Variants in CEP350 observed in about 807,000 individuals in gnomAD.
The protein encoded by CEP350 is centrosomal protein 350, also known as centrosome-associated protein 350.
In CEP350, 126 loss-of-function variants were observed where a neutral mutation model predicts 331.8. The observed-to-expected ratio is 0.38, with a 90% CI of 0.33 to 0.44. The LOEUF is 0.44. Ranked by LOEUF, CEP350 falls within the 20% of genes least tolerant of loss-of-function variation. The probability of loss-of-function intolerance (pLI) is 1.00; values close to 1 mark genes in which losing one functional copy is unlikely to be tolerated. For missense variants in CEP350, 3,406 were observed against 3,634.6 expected, an observed-to-expected ratio of 0.94 and a Z score of 1.62; for synonymous variants, 1,200 against 1,259.5, an observed-to-expected ratio of 0.95 and a Z score of 1.00.
At chr1:180,108,341 A>T (rs559550921) in intron 37 of CEP350, among the ~76,000 whole-genome samples, 2 of 152,304 alleles carry the variant, frequency 1.3e-5, no homozygotes, top group East Asian at 3.9e-4. Context: ...TTAATATTAC[A>T]GGCCAAGAGA....
rs545289556 is a variant in CEP350 at position 180,099,007 on chromosome 1, G to A, written c.9189+22G>A. 3.8e-6 allele frequency: 6 copies of A among 1,595,882 alleles called. No individual in the cohort carries two copies. In the East Asian group the frequency reaches 1.3e-4, roughly 36 times the overall value. Reference sequence around the variant, plus strand: ...CCTGGTCAGTGTATACAACCAAACTGTTTTTATTTTGACCATATCTTTTAA... The same window carrying A: ...CCTGGTCAGTGTATACAACCAAACTATTTTTATTTTGACCATATCTTTTAA... On this transcript the variant is annotated intron_variant, in intron 37 of 37. Transcript: ENST00000367607.
chr1:180,090,880 C>A (rs918584827), intron 33 of CEP350, 84 bp downstream of exon 33: 2 of 1,154,728 alleles, frequency 1.7e-6, no homozygotes, highest in Non-Finnish European at 2.3e-6. Flanking sequence ...ACCTCTATAG[C>A]TTTTTTATTA....
intron 12 of CEP350, among the ~76,000 whole-genome samples, chr1:180,021,428 C>T (rs545696161): frequency 3.4e-4 from 51 of 152,144 alleles, no homozygotes; most frequent in African/African-American, 1.2e-3. Flanking sequence ...CCAAGGCGGG[C>T]GGATCACTTG....
chr1:179,979,537 C>T (rs1385353438), intron 1 of CEP350, among the ~76,000 whole-genome samples: 1 of 151,736 alleles, frequency 6.6e-6, no homozygotes, highest in Non-Finnish European at 1.5e-5. Context: ...TGTGCAGAAG[C>T]TTTTTAGGTT....
Position 180,020,771 on chromosome 1 carries a change from C to T in CEP350, c.2997C>T (p.Asp999=). The change falls in exon 12 of 38, where the codon GAC becomes GAT. Residue 999 remains aspartate, a synonymous_variant. Coordinates refer to ENST00000367607, the MANE Select transcript of CEP350 (RefSeq NM_014810.5). ...SEGSLSEEEG[D]QDGQPLLKVA... Reference sequence around the variant, plus strand: ...GGAGTCTCTCTGAAGAAGAGGGAGACCAGGATGGACAGCCCCTTTTGAAAG... The same window carrying T: ...GGAGTCTCTCTGAAGAAGAGGGAGATCAGGATGGACAGCCCCTTTTGAAAG... 1 of 1,613,906 alleles carries T rather than the reference C, an allele frequency of 6.2e-7. No individual in the cohort carries two copies. The highest frequency in any genetic ancestry group is 2.2e-5 in the East Asian group (1 of 44,874).
Position 180,093,798 on chromosome 1 carries a change from C to A in CEP350, c.7693C>A (p.His2565Asn). The A allele has an allele frequency of 6.2e-7, 1 of 1,613,846 alleles. No individual in the cohort carries two copies. Among genetic ancestry groups the A allele is most frequent in the South Asian group, 1.1e-5 (1 of 91,064 alleles). ...TTTTGCTCCTCCTCAAAAAATATCTCACATTCCAGAAAACTTTGATGACTA... is the reference window on the plus strand; with the variant it reads ...TTTTGCTCCTCCTCAAAAAATATCTAACATTCCAGAAAACTTTGATGACTA... ...GIFAPPQKIS[H>N]IPENFDDYVD... Residue 2565 changes from histidine (H) to asparagine (N), a missense_variant, in exon 34 of 38, where the codon CAC (histidine) becomes AAC (asparagine). By Grantham distance (68) the His-to-Asn change is moderately conservative. This residue lies in a region of CEP350 where 1,415 missense variants were observed against 1,512.3 expected (regional missense o/e 0.94). Coordinates refer to ENST00000367607, the MANE Select transcript of CEP350 (RefSeq NM_014810.5).
chr1:179,996,461 TG>T, intron 5 of CEP350, 91 bp from the exon 6 acceptor site: 1 of 867,734 alleles, frequency 1.2e-6, no homozygotes, highest in Non-Finnish European at 1.7e-6. Flanking sequence ...TATTTTTTTG[TG>T]GTGAGAACAC....
intron 8 of CEP350, among the ~76,000 whole-genome samples, chr1:180,007,556 C>T (rs1208779809): frequency 6.6e-6 from 1 of 152,118 alleles, no homozygotes; most frequent in Non-Finnish European, 1.5e-5. Context: ...CTGTAGGTTG[C>T]CTGTTCACTT....
intron 13 of CEP350, among the ~76,000 whole-genome samples, chr1:180,024,117 T>C (rs1009280432): frequency 4.6e-5 from 7 of 152,006 alleles, no homozygotes; most frequent in Non-Finnish European, 8.8e-5. Flanking sequence ...GAAATAGTTA[T>C]AATATATAAA....
intron 25 of CEP350, among the ~76,000 whole-genome samples, chr1:180,055,217 T>C (rs1026087090): frequency 1.3e-5 from 2 of 152,242 alleles, no homozygotes; most frequent in Middle Eastern, 3.2e-3. Flanking sequence ...ATTCCAGCGT[T>C]GTCACTTGAA....
At chr1:180,054,051 C>A in intron 24 of CEP350, 117 bp downstream of exon 24, 1 of 752,422 alleles carries the variant, frequency 1.3e-6, no homozygotes, top group Non-Finnish European at 2.0e-6. Context: ...GTTTCTCAAG[C>A]TAGAAATAAC....
intron 32 of CEP350, among the ~76,000 whole-genome samples, chr1:180,089,376 A>C (rs1042771499): frequency 4.6e-5 from 7 of 152,112 alleles, no homozygotes; most frequent in Non-Finnish European, 8.8e-5. Flanking sequence ...ACAAGTCAGG[A>C]GTTCGAGACT....
chr1:180,025,115 G>T (rs113329830), intron 14 of CEP350, among the ~76,000 whole-genome samples: 2,546 of 151,874 alleles, frequency 0.017, 73 homozygotes, highest in African/African-American at 0.058. Context: ...TAGTAGAGAC[G>T]GGGTTTCACC....
intron 20 of CEP350, 28 bp from the exon 21 acceptor site, chr1:180,044,022 TG>T (rs1469544819): frequency 1.3e-6 from 2 of 1,501,068 alleles, no homozygotes; most frequent in Non-Finnish European, 1.8e-6. Flanking sequence ...AGACTTTGAA[TG>T]TTTAATCAGT....
At chr1:180,104,045 T>TACAAATATATATTTTAAATATAC (rs1178629459) in intron 37 of CEP350, among the ~76,000 whole-genome samples, 2 of 138,732 alleles carry the variant, frequency 1.4e-5, no homozygotes, top group Non-Finnish European at 3.1e-5. Flanking sequence ...ACAAAATATA[T>TACAAATATATATTTTAAATATAC]ACAAATATAT....
chr1:179,987,356 T>C (rs950580105), intron 3 of CEP350, 70 bp downstream of exon 3: 45 of 811,320 alleles, frequency 5.5e-5, no homozygotes, highest in Middle Eastern at 5.4e-4. Context: ...TTGAATAGAT[T>C]AAAATGTTTT....
chr1:180,055,703 G>A (rs1657790192), intron 25 of CEP350, among the ~76,000 whole-genome samples: 1 of 151,344 alleles, frequency 6.6e-6, no homozygotes, highest in African/African-American at 2.4e-5. Flanking sequence ...CCACCACCGC[G>A]CCTGGCTAAT....
chr1:180,074,753 A>G (rs1659117211), intron 27 of CEP350, among the ~76,000 whole-genome samples: 1 of 152,210 alleles, frequency 6.6e-6, no homozygotes, highest in African/African-American at 2.4e-5. Context: ...GGTTGTCTAG[A>G]TATTCTGAAG....
At chr1:180,066,317 G>A (rs1658545835) in intron 27 of CEP350, among the ~76,000 whole-genome samples, 1 of 152,184 alleles carries the variant, frequency 6.6e-6, no homozygotes, top group African/African-American at 2.4e-5. Flanking sequence ...AAATATGGAA[G>A]AGACTCATTA....
Sources: gnomAD v4.1 joint callset for allele counts (sites outside exome capture counted in the v4.1 genomes callset) on GRCh38, gnomAD v4.1.1 for gene constraint, gnomAD v4.1.1 regional missense constraint, MANE v1.5 for transcripts, NCBI Gene and HGNC (gene_info 2026-07-23, HGNC 2026-07-21) for gene names.